The following KATNAL1 variants were observed in gnomAD, a reference collection of about 807,000 sequenced individuals.
KATNAL1 encodes the protein katanin p60 ATPase-containing subunit A-like 1.
KATNAL1 carries 32 observed loss-of-function variants against 55.2 expected under a neutral mutation model. The observed-to-expected ratio is 0.58, with a 90% CI of 0.44 to 0.78. The LOEUF is 0.78. KATNAL1 is among the 30% of genes least tolerant of loss of function. The probability of loss-of-function intolerance (pLI) is 0.00; values close to 1 mark genes in which losing one functional copy is unlikely to be tolerated. For synonymous variants in KATNAL1, 193 were observed against 193.6 expected, an observed-to-expected ratio of 1.00 and a Z score of 0.02; for missense variants, 466 against 600.9, an observed-to-expected ratio of 0.78 and a Z score of 2.35.
intron 4 of KATNAL1, among the ~76,000 whole-genome samples, chr13:30,250,004 T>TTATTTTAC (rs1878152406): frequency 6.6e-6 from 1 of 152,244 alleles, no homozygotes; most frequent in Non-Finnish European, 1.5e-5. Flanking sequence ...CACATCCTAA[T>TTATTTTAC]TATTTTACTA....
At chr13:30,245,165 G>C (rs886988698) in intron 4 of KATNAL1, among the ~76,000 whole-genome samples, 69 of 152,176 alleles carry the variant, frequency 4.5e-4, no homozygotes, top group African/African-American at 1.7e-3. Flanking sequence ...ATAAAATACT[G>C]GCAAACCGAA....
intron 3 of KATNAL1, 95 bp downstream of exon 3, chr13:30,279,968 C>T: frequency 1.9e-6 from 2 of 1,074,394 alleles, no homozygotes; most frequent in Non-Finnish European, 2.7e-6. Context: ...ATTACATGTC[C>T]CCAAAAATAA....
intron 3 of KATNAL1, among the ~76,000 whole-genome samples, chr13:30,269,774 G>A (rs1025589652): frequency 6.8e-6 from 1 of 147,136 alleles, no homozygotes; most frequent in African/African-American, 2.5e-5. Flanking sequence ...CCCCGTCTGA[G>A]AAGTGAGGAG....
chr13:30,292,858 C>T (rs985468928), intron 1 of KATNAL1, among the ~76,000 whole-genome samples: 1 of 152,096 alleles, frequency 6.6e-6, no homozygotes, highest in Non-Finnish European at 1.5e-5. Context: ...AAATAATTTT[C>T]CTTGAGAATT....
At chr13:30,280,870 T>C (rs1274397520) in intron 2 of KATNAL1, among the ~76,000 whole-genome samples, 1 of 152,124 alleles carries the variant, frequency 6.6e-6, no homozygotes. Context: ...AGGAAATTCT[T>C]GTGTTTGCAA....
Position 30,205,012 on chromosome 13 carries a change from G to T in KATNAL1, c.*3528C>A, listed in dbSNP as rs1872980293. Reference sequence around the variant, plus strand: ...AAAAAAGAAATTATGGGGGCAAAAGGTTTATAGTAAACATGTCATGCTTAT... The same window carrying T: ...AAAAAAGAAATTATGGGGGCAAAAGTTTTATAGTAAACATGTCATGCTTAT... On this transcript the variant is annotated 3_prime_UTR_variant, in exon 11 of 11. Coordinates refer to ENST00000380615, the MANE Select transcript of KATNAL1 (RefSeq NM_032116.5). The T allele has an allele frequency of 6.6e-6, 1 of 152,206 alleles. No homozygotes were observed. The highest frequency in any genetic ancestry group is 3.4e-3 in the Middle Eastern group (1 of 294). The allele number at this position is 152,206 out of a possible 1,614,324, so 9.4% of individuals were successfully genotyped here.
rs566326313 is a variant in KATNAL1 at position 30,256,662 on chromosome 13, G to A, written c.324-1047C>T. On this transcript the variant is annotated intron_variant, in intron 3 of 10. Transcript: ENST00000380615. ...GATAGGAAAATGGATAAAAAGCCAT[G>A]AAGGTTGCAAACTAAGGGCCAAAAC... is the stretch of plus-strand genomic sequence containing the variant. 2.0e-5 allele frequency among the ~76,000 whole-genome samples: 3 copies of A among 151,392 alleles called. No individual in the cohort carries two copies. In the South Asian group the frequency reaches 6.3e-4, roughly 32 times the overall value.
chr13:30,277,919 C>A (rs1194887595), intron 3 of KATNAL1, among the ~76,000 whole-genome samples: 3 of 131,304 alleles, frequency 2.3e-5, no homozygotes, highest in Non-Finnish European at 3.1e-5. Flanking sequence ...GGAGGCGGAG[C>A]TTGCAGTGAG....
chr13:30,223,888 A>G (rs757414991), intron 9 of KATNAL1, among the ~76,000 whole-genome samples: 10 of 152,252 alleles, frequency 6.6e-5, no homozygotes, highest in Admixed American at 3.3e-4. Context: ...ATAGAATGTT[A>G]TAACAAGCTC....
intron 6 of KATNAL1, among the ~76,000 whole-genome samples, chr13:30,238,005 A>C (rs1018413456): frequency 1.3e-5 from 2 of 152,190 alleles, no homozygotes; most frequent in Non-Finnish European, 2.9e-5. Flanking sequence ...AGGCTCTTTG[A>C]ATTTTAAGCC....
intron 1 of KATNAL1, among the ~76,000 whole-genome samples, chr13:30,293,035 T>TA (rs1208529864): frequency 4.6e-5 from 7 of 152,194 alleles, no homozygotes; most frequent in African/African-American, 1.7e-4. Flanking sequence ...GAAATGGGTC[T>TA]ATCTGGGGTT....
At chr13:30,296,359 A>C in intron 1 of KATNAL1, 1 of 1,130,688 alleles carries the variant, frequency 8.8e-7, no homozygotes. Flanking sequence ...TGGGCTGCGA[A>C]GTGCTGGGCA....
At chr13:30,301,106 G>A (rs113957769) in intron 1 of KATNAL1, among the ~76,000 whole-genome samples, 45 of 152,296 alleles carry the variant, frequency 3.0e-4, no homozygotes, top group African/African-American at 9.4e-4. Flanking sequence ...GGTGGCTCAC[G>A]CCTGTAATCC....
At chr13:30,222,319 T>C (rs1874954634) in intron 9 of KATNAL1, among the ~76,000 whole-genome samples, 7 of 152,204 alleles carry the variant, frequency 4.6e-5, no homozygotes, top group Admixed American at 4.6e-4. Context: ...TCCAGCCTGA[T>C]AGCCTTTGGA....
intron 9 of KATNAL1, among the ~76,000 whole-genome samples, chr13:30,220,129 T>C (rs1006318224): frequency 6.6e-6 from 1 of 152,180 alleles, no homozygotes; most frequent in Admixed American, 6.5e-5. Context: ...AATTAAACTT[T>C]CAAATATATT....
At position 30,227,489 on chromosome 13, in the gene KATNAL1, G is replaced by A; in HGVS notation, c.1070C>T (p.Ala357Val). ...DPSKMVMVLAATNFPWDIDEA... is the reference protein window; with the variant it reads ...DPSKMVMVLAVTNFPWDIDEA... The stretch of plus-strand genomic sequence containing the variant: ...ATCAATGTCCCACGGGAAATTAGTA[G>A]CAGCCAATACCATAACCATTTTGGA... Residue 357 changes from alanine (A) to valine (V), a missense_variant, in exon 9 of 11, where the codon GCT (alanine) becomes GTT (valine). Around this residue, in one of 3 missense-constraint regions of KATNAL1, gnomAD observed 213 missense variants for 308.6 expected, o/e 0.69. Coordinates refer to ENST00000380615, the MANE Select transcript of KATNAL1 (RefSeq NM_032116.5). The A allele has an allele frequency of 6.2e-7, 1 of 1,613,790 alleles. No individual in the cohort carries two copies. Among genetic ancestry groups the A allele is most frequent in the Non-Finnish European group, 8.5e-7 (1 of 1,179,756 alleles).
intron 9 of KATNAL1, among the ~76,000 whole-genome samples, chr13:30,227,148 A>G (rs890096820): frequency 1.2e-4 from 19 of 152,236 alleles, no homozygotes; most frequent in African/African-American, 4.3e-4. Flanking sequence ...ATTCTGAAAA[A>G]GATCCAAAAA....
At chr13:30,281,135 AAAG>A (rs1294772809) in intron 2 of KATNAL1, among the ~76,000 whole-genome samples, 14 of 137,466 alleles carry the variant, frequency 1.0e-4, no homozygotes, top group South Asian at 6.6e-4. Context: ...AAAAAAAAAA[AAAG>A]AAAAGAAAAG....
At chr13:30,261,614 CAAAG>C (rs1284593400) in intron 3 of KATNAL1, among the ~76,000 whole-genome samples, 3 of 152,028 alleles carry the variant, frequency 2.0e-5, no homozygotes, top group Middle Eastern at 3.2e-3. Context: ...TCAAAAGAGA[CAAAG>C]AAGGCCATTA....
Sources: gnomAD v4.1 joint callset for allele counts (sites outside exome capture counted in the v4.1 genomes callset) on GRCh38, gnomAD v4.1.1 for gene constraint, gnomAD v4.1.1 regional missense constraint, MANE v1.5 for transcripts, NCBI Gene and HGNC (gene_info 2026-07-23, HGNC 2026-07-21) for gene names.